The following GRID2 variants were observed in gnomAD, a reference collection of about 807,000 sequenced individuals.
The protein encoded by GRID2 is glutamate receptor ionotropic, delta-2.
GRID2 carries 33 observed loss-of-function variants against 114.8 expected under a neutral mutation model. That is an observed-to-expected ratio of 0.29 (90% CI 0.22 to 0.38). The LOEUF is 0.38. GRID2 is among the 10% of genes least tolerant of loss of function. GRID2 has a pLI of 1.00. For synonymous variants in GRID2, 505 were observed against 449.9 expected (o/e 1.12, Z -1.55); for missense variants, 1,184 against 1,257.7 (o/e 0.94, Z 0.89).
intron 14 of GRID2, among the ~76,000 whole-genome samples, chr4:93,748,643 C>T (rs1256096560): frequency 2.0e-5 from 3 of 152,146 alleles, no homozygotes; most frequent in East Asian, 1.9e-4. Flanking sequence ...ACATATCATG[C>T]GTACTCTCCT....
At chr4:93,054,791 G>T (rs1199884516) in intron 2 of GRID2, among the ~76,000 whole-genome samples, 1 of 151,646 alleles carries the variant, frequency 6.6e-6, no homozygotes, top group East Asian at 1.9e-4. Flanking sequence ...ATCTGGAAGA[G>T]AAATGTAGTA....
chr4:93,050,511 TGTGTG>T (rs1410516932), intron 2 of GRID2, among the ~76,000 whole-genome samples: 2 of 18,746 alleles, frequency 1.1e-4, no homozygotes, highest in African/African-American at 1.4e-3. Flanking sequence ...TAATACCTGG[TGTGTG>T]TGTGTGTGTG....
At chr4:93,533,373 C>CTCTTTCTT (rs140886175) in intron 13 of GRID2, among the ~76,000 whole-genome samples, 1 of 122,280 alleles carries the variant, frequency 8.2e-6, no homozygotes, top group East Asian at 2.6e-4. Flanking sequence ...ACTTCTCTCT[C>CTCTTTCTT]TCTTTCTTTC....
At chr4:92,393,121 G>A (rs1730328019) in intron 1 of GRID2, among the ~76,000 whole-genome samples, 1 of 152,116 alleles carries the variant, frequency 6.6e-6, no homozygotes, top group Non-Finnish European at 1.5e-5. Flanking sequence ...GAGGGATAGA[G>A]TGGTGAGGGC....
intron 1 of GRID2, among the ~76,000 whole-genome samples, chr4:92,450,329 T>C (rs905951600): frequency 2.0e-5 from 3 of 152,052 alleles, no homozygotes; most frequent in African/African-American, 7.2e-5. Flanking sequence ...ATAATGCCTT[T>C]AGGATTGCCA....
rs1437566418 is a variant in GRID2, at chr4:92,667,381, G to A, written c.244+77095G>A. ...GAAGTGGGTCAGCAGACTTTTTATT[G>A]TAATTATACTTTCATGAGTCCCATA... On this transcript the variant is annotated intron_variant, in intron 2 of 15. Transcript: ENST00000282020. 2.6e-5 allele frequency among the ~76,000 whole-genome samples: 4 copies of A among 151,514 alleles called. No individual in the cohort carries two copies. In the East Asian group the frequency reaches 7.8e-4, roughly 29 times the overall value.
intron 2 of GRID2, among the ~76,000 whole-genome samples, chr4:92,818,059 G>C (rs919118514): frequency 2.0e-5 from 3 of 152,084 alleles, no homozygotes; most frequent in Non-Finnish European, 4.4e-5. Flanking sequence ...CTACATATGA[G>C]ATATTGATGA....
At chr4:93,682,878 A>G (rs1725711628) in intron 14 of GRID2, among the ~76,000 whole-genome samples, 1 of 151,848 alleles carries the variant, frequency 6.6e-6, no homozygotes, top group South Asian at 2.1e-4. Flanking sequence ...ACATGTATAC[A>G]TATGTAACTA....
At chr4:93,426,628 A>G (rs1768872672) in intron 10 of GRID2, among the ~76,000 whole-genome samples, 1 of 152,222 alleles carries the variant, frequency 6.6e-6, no homozygotes, top group South Asian at 2.1e-4. Flanking sequence ...TAATGGTAAG[A>G]TCACTTCCAA....
At chr4:93,292,681 A>G (rs1244947189) in intron 8 of GRID2, among the ~76,000 whole-genome samples, 2 of 152,210 alleles carry the variant, frequency 1.3e-5, no homozygotes, top group Non-Finnish European at 2.9e-5. Flanking sequence ...TAAATTTTAA[A>G]AATAGTGGTT....
chr4:92,545,701 A>G (rs1035412623), intron 1 of GRID2, among the ~76,000 whole-genome samples: 19 of 152,186 alleles, frequency 1.2e-4, no homozygotes, highest in Admixed American at 4.6e-4. Flanking sequence ...TATTCTCAAT[A>G]TGGTGCTTTA....
At chr4:93,316,214 G>A (rs1252005902) in intron 8 of GRID2, among the ~76,000 whole-genome samples, 3 of 151,256 alleles carry the variant, frequency 2.0e-5, no homozygotes, top group African/African-American at 7.3e-5. Flanking sequence ...GTTGTAGTAG[G>A]TCCAGCCTGG....
chr4:92,643,985 T>C (rs1338336359), intron 2 of GRID2, among the ~76,000 whole-genome samples: 1 of 151,776 alleles, frequency 6.6e-6, no homozygotes, highest in Non-Finnish European at 1.5e-5. Context: ...CTCATTGTCT[T>C]ATGAATGCTT....
chr4:92,763,222 T>A (rs1297715254), intron 2 of GRID2, among the ~76,000 whole-genome samples: 1 of 152,168 alleles, frequency 6.6e-6, no homozygotes, highest in Non-Finnish European at 1.5e-5. Flanking sequence ...TAAATTAACT[T>A]CTAGGCTTTA....
chr4:93,675,058 C>CTAT (rs1486886536), intron 14 of GRID2, among the ~76,000 whole-genome samples: 1 of 151,960 alleles, frequency 6.6e-6, no homozygotes, highest in Non-Finnish European at 1.5e-5. Context: ...AAAAATGGTC[C>CTAT]TATATATGTA....
intron 1 of GRID2, among the ~76,000 whole-genome samples, chr4:92,315,993 C>CAAAAAAAAAAAA (rs778361565): frequency 6.1e-4 from 38 of 61,898 alleles, no homozygotes; most frequent in Non-Finnish European, 8.0e-4. Flanking sequence ...AAACAAAAAG[C>CAAAAAAAAAAAA]AAAAAAAAAA....
At chr4:93,382,197 A>G (rs559674707) in intron 8 of GRID2, among the ~76,000 whole-genome samples, 15 of 152,102 alleles carry the variant, frequency 9.9e-5, no homozygotes, top group Non-Finnish European at 2.1e-4. Context: ...TGTCTTCATC[A>G]TTTCAAAGGT....
At chr4:93,008,032 CAAA>C (rs1273416294) in intron 2 of GRID2, among the ~76,000 whole-genome samples, 4 of 62,474 alleles carry the variant, frequency 6.4e-5, no homozygotes, top group African/African-American at 5.4e-5. Flanking sequence ...GAGACTGTCA[CAAA>C]AAAAAAAAAA....
At chr4:93,738,849 G>C (rs1731142774) in intron 14 of GRID2, among the ~76,000 whole-genome samples, 1 of 152,054 alleles carries the variant, frequency 6.6e-6, no homozygotes, top group Non-Finnish European at 1.5e-5. Context: ...TAGAAAAGGA[G>C]AAGAGAATAT....
Sources: gnomAD v4.1 joint callset for allele counts (sites outside exome capture counted in the v4.1 genomes callset) on GRCh38, gnomAD v4.1.1 for gene constraint, MANE v1.5 for transcripts, NCBI Gene and HGNC (gene_info 2026-07-23, HGNC 2026-07-21) for gene names.